SEL1L2: variants seen among roughly 807,000 people sequenced by gnomAD.
The protein encoded by SEL1L2 is protein sel-1 homolog 2.
A neutral mutation model predicts 98.8 loss-of-function variants in SEL1L2; 89 were observed. The observed-to-expected ratio is 0.90, with a 90% CI of 0.76 to 1.07. The LOEUF (loss-of-function observed/expected upper bound fraction) is 1.07, where lower values mean the gene tolerates loss of function less well. Ranked by LOEUF, SEL1L2 falls within the 50% of genes least tolerant of loss-of-function variation. The pLI is 0.00. For missense variants in SEL1L2, 788 were observed against 812.0 expected (o/e 0.97, Z 0.36); for synonymous variants, 262 against 278.5 (o/e 0.94, Z 0.59).
intron 5 of SEL1L2, among the ~76,000 whole-genome samples, chr20:13,891,474 C>G (rs1181586362): frequency 6.6e-6 from 1 of 151,974 alleles, no homozygotes; most frequent in Non-Finnish European, 1.5e-5. Context: ...TGAGACCCTC[C>G]TGGCCAACAT....
chr20:13,854,958 G>A (rs1466019478), intron 18 of SEL1L2, among the ~76,000 whole-genome samples: 5 of 150,140 alleles, frequency 3.3e-5, no homozygotes, highest in Admixed American at 1.3e-4. Flanking sequence ...GGCTGTGGCA[G>A]GAGAATTGCT....
chr20:13,851,643 G>A (rs747122717), intron 18 of SEL1L2, among the ~76,000 whole-genome samples: 6 of 151,696 alleles, frequency 4.0e-5, no homozygotes, highest in Admixed American at 1.3e-4. Flanking sequence ...CAGAGTGACC[G>A]TAGACAAGGT....
intron 5 of SEL1L2, among the ~76,000 whole-genome samples, chr20:13,908,662 C>T (rs1432647520): frequency 1.3e-5 from 2 of 152,194 alleles, no homozygotes; most frequent in Non-Finnish European, 2.9e-5. Context: ...GAAATTTCCT[C>T]AATTTCCACC....
At chr20:13,941,493 A>G (rs1416049815) in intron 2 of SEL1L2, among the ~76,000 whole-genome samples, 1 of 152,214 alleles carries the variant, frequency 6.6e-6, no homozygotes, top group Non-Finnish European at 1.5e-5. Flanking sequence ...GCACAGTTAC[A>G]GAAGTGGTGC....
Position 13,885,387 on chromosome 20 carries a change from A to C in SEL1L2, c.917T>G (p.Leu306Ter). 6.2e-7 allele frequency: 1 copy of C among 1,603,940 alleles called. No homozygotes were observed. The stretch of plus-strand genomic sequence containing the variant: ...TAGACCTTTCCTGCCAATTAGATGT[A>C]ATTGTCCAAGAGAGACCTAGGAATG... ...DVQIQVSLGQ[L>*]HLIGRKGLDQ... The change falls in exon 10 of 20, where the codon TTA (leucine) becomes TGA (stop). Residue 306 changes from leucine (L) to a stop codon, truncating the protein, a stop_gained. Coordinates refer to ENST00000284951, the MANE Select transcript of SEL1L2 (RefSeq NM_025229.2). LOFTEE classifies it high-confidence loss of function.
Position 13,877,514 on chromosome 20 carries a change from A to T in SEL1L2, c.1026+6T>A. On this transcript the variant is annotated splice_donor_region_variant and intron_variant, in intron 11 of 19. Coordinates refer to ENST00000284951, the MANE Select transcript of SEL1L2 (RefSeq NM_025229.2). ...TGAAAACAATGAATCAAGATGAAGC[A>T]TGTACCTTTCCTATAAATGCCATGG... 2 of 1,603,014 alleles carry T rather than the reference A, an allele frequency of 1.2e-6. No homozygotes were observed. Among genetic ancestry groups the T allele is most frequent in the Non-Finnish European group, 1.7e-6 (2 of 1,170,616 alleles).
intron 10 of SEL1L2, among the ~76,000 whole-genome samples, chr20:13,879,818 T>C (rs1413373059): frequency 6.6e-6 from 1 of 152,126 alleles, no homozygotes; most frequent in African/African-American, 2.4e-5. Flanking sequence ...AGAACACTAA[T>C]ATCAAAAATA....
intron 12 of SEL1L2, among the ~76,000 whole-genome samples, chr20:13,870,645 G>A (rs1045542575): frequency 5.3e-5 from 8 of 152,110 alleles, no homozygotes; most frequent in African/African-American, 1.4e-4. Context: ...GATTGAGGCC[G>A]GGCATGGTGG....
chr20:13,949,391 G>A lies in SEL1L2; in HGVS notation c.114+6685C>T, dbSNP rs188037497. On this transcript the variant is annotated intron_variant, in intron 2 of 19. Coordinates refer to ENST00000284951, the MANE Select transcript of SEL1L2 (RefSeq NM_025229.2). ...ATAAAAACAAAACAACAGGCCGGGC[G>A]CGGTGGCTCACGCCTGTAATCCCAG... 2.8e-3 allele frequency among the ~76,000 whole-genome samples: 433 copies of A among 152,306 alleles called. 2 individuals are homozygous for A. The highest frequency in any genetic ancestry group is 4.5e-3 in the Non-Finnish European group (307 of 68,042).
chr20:13,971,411 A>G (rs1468818388), intron 1 of SEL1L2, among the ~76,000 whole-genome samples: 1 of 151,784 alleles, frequency 6.6e-6, no homozygotes, highest in African/African-American at 2.4e-5. Flanking sequence ...TGTTTTTACA[A>G]TGTACTTTTG....
intron 5 of SEL1L2, among the ~76,000 whole-genome samples, chr20:13,909,715 C>T (rs1046397367): frequency 6.6e-6 from 1 of 152,076 alleles, no homozygotes; most frequent in Non-Finnish European, 1.5e-5. Context: ...TGTGGTGGCT[C>T]AGCACTTTGG....
intron 1 of SEL1L2, among the ~76,000 whole-genome samples, chr20:13,978,208 C>T (rs377405595): frequency 2.0e-4 from 31 of 152,252 alleles, no homozygotes; most frequent in Middle Eastern, 3.4e-3. Context: ...TACGTATTTA[C>T]AGTCAATTGA....
intron 2 of SEL1L2, among the ~76,000 whole-genome samples, chr20:13,947,835 A>T (rs2050088299): frequency 6.6e-6 from 1 of 152,236 alleles, no homozygotes. Context: ...ACAGGTTTGC[A>T]TGAAGCTGTT....
chr20:13,963,391 C>CA (rs67070339), intron 1 of SEL1L2, among the ~76,000 whole-genome samples: 16 of 48,186 alleles, frequency 3.3e-4, no homozygotes, highest in Admixed American at 8.7e-4. Context: ...TCTGGAGCAG[C>CA]AAAAAAAAAA....
intron 3 of SEL1L2, among the ~76,000 whole-genome samples, chr20:13,930,769 C>T (rs1045159893): frequency 1.3e-5 from 2 of 152,180 alleles, no homozygotes; most frequent in Non-Finnish European, 2.9e-5. Context: ...TCTCTTTCTT[C>T]TCCATAACCC....
intron 1 of SEL1L2, among the ~76,000 whole-genome samples, chr20:13,969,511 C>G (rs902747485): frequency 6.6e-6 from 1 of 152,168 alleles, no homozygotes; most frequent in African/African-American, 2.4e-5. Context: ...TTGCTAGGCA[C>G]TCAGTAAAGT....
intron 9 of SEL1L2, among the ~76,000 whole-genome samples, chr20:13,886,079 G>C (rs1384789006): frequency 6.6e-6 from 1 of 151,640 alleles, no homozygotes; most frequent in South Asian, 2.1e-4. Flanking sequence ...ATGCAAAAAA[G>C]TTGCTATTAT....
At chr20:13,921,022 A>G (rs1466621241) in intron 3 of SEL1L2, among the ~76,000 whole-genome samples, 1 of 152,204 alleles carries the variant, frequency 6.6e-6, no homozygotes, top group Non-Finnish European at 1.5e-5. Context: ...GTGTGGAATA[A>G]TAATAGCTCC....
chr20:13,984,825 TATA>T (rs1218198714), intron 1 of SEL1L2, among the ~76,000 whole-genome samples: 2 of 152,144 alleles, frequency 1.3e-5, no homozygotes, highest in Non-Finnish European at 2.9e-5. Context: ...TTAATTAACA[TATA>T]ATAATTGTAC....
Sources: gnomAD v4.1 joint callset for allele counts (sites outside exome capture counted in the v4.1 genomes callset) on GRCh38, gnomAD v4.1.1 for gene constraint, MANE v1.5 for transcripts, NCBI Gene and HGNC (gene_info 2026-07-23, HGNC 2026-07-21) for gene names.